The following GRIK4 variants were observed in gnomAD, a reference collection of about 807,000 sequenced individuals.
GRIK4 encodes glutamate receptor ionotropic, kainate 4.
In GRIK4, 40 loss-of-function variants were observed where a neutral mutation model predicts 104.9. The observed-to-expected ratio is 0.38, with a 90% CI of 0.30 to 0.50. The LOEUF is 0.50. GRIK4 is among the 20% of genes least tolerant of loss of function. The pLI is 0.93. For missense variants in GRIK4, 1,047 were observed against 1,308.1 expected, an observed-to-expected ratio of 0.80 and a Z score of 3.08; for synonymous variants, 485 against 524.9, an observed-to-expected ratio of 0.92 and a Z score of 1.04.
intron 6 of GRIK4, 92 bp from the exon 7 acceptor site, chr11:120,831,758 CCA>C: frequency 1.6e-5 from 15 of 923,094 alleles, no homozygotes; most frequent in Admixed American, 6.2e-5. Context: ...GACCCCACTT[CCA>C]GCCCACATCT....
chr11:120,670,950 G>T (rs1950007707), intron 3 of GRIK4, among the ~76,000 whole-genome samples: 1 of 151,978 alleles, frequency 6.6e-6, no homozygotes, highest in South Asian at 2.1e-4. Context: ...GTGAGAACAT[G>T]TGGTGTTTGG....
intron 1 of GRIK4, among the ~76,000 whole-genome samples, chr11:120,559,614 T>C (rs1293300470): frequency 6.6e-6 from 1 of 152,242 alleles, no homozygotes; most frequent in Non-Finnish European, 1.5e-5. Context: ...CATGGTTTGA[T>C]CATTTTTTCA....
chr11:120,630,328 C>A (rs1183614106), intron 1 of GRIK4, among the ~76,000 whole-genome samples: 2 of 152,220 alleles, frequency 1.3e-5, no homozygotes, highest in African/African-American at 4.8e-5. Flanking sequence ...GACTGCCTGA[C>A]CATTTTGTGG....
intron 3 of GRIK4, among the ~76,000 whole-genome samples, chr11:120,732,117 T>C (rs1305691495): frequency 6.6e-6 from 1 of 151,986 alleles, no homozygotes; most frequent in East Asian, 1.9e-4. Context: ...GTTCTTGTTT[T>C]TGTTTTGTTT....
intron 1 of GRIK4, among the ~76,000 whole-genome samples, chr11:120,544,920 T>C (rs1948070478): frequency 1.3e-5 from 2 of 152,192 alleles, no homozygotes; most frequent in Non-Finnish European, 2.9e-5. Flanking sequence ...CTGAGGCTTG[T>C]TGAGCACAGC....
intron 8 of GRIK4, among the ~76,000 whole-genome samples, chr11:120,852,967 C>A (rs2135602513): frequency 6.6e-6 from 1 of 152,324 alleles, no homozygotes; most frequent in Middle Eastern, 3.4e-3. Context: ...CACAGCCTGA[C>A]AAGTGCTGCC....
At chr11:120,687,252 T>C (rs1003654987) in intron 3 of GRIK4, among the ~76,000 whole-genome samples, 1 of 150,650 alleles carries the variant, frequency 6.6e-6, no homozygotes, top group African/African-American at 2.4e-5. Flanking sequence ...ACAGGCAGAG[T>C]CAGGGACCAT....
chr11:120,536,836 T>C (rs1030007050), intron 1 of GRIK4, among the ~76,000 whole-genome samples: 7 of 152,070 alleles, frequency 4.6e-5, no homozygotes, highest in African/African-American at 1.7e-4. Flanking sequence ...TTCTAAAAAG[T>C]CAATTACGTA....
At chr11:120,795,468 G>A (rs1169322022) in intron 3 of GRIK4, among the ~76,000 whole-genome samples, 8 of 152,186 alleles carry the variant, frequency 5.3e-5, no homozygotes, top group African/African-American at 1.4e-4. Context: ...ATTGCCAGGC[G>A]CCACGTCTAC....
Position 120,862,058 on chromosome 11 carries a change from G to T in GRIK4, c.844G>T (p.Ala282Ser). Residue 282 changes from alanine (A) to serine (S), a missense_variant, in exon 9 of 21, where the codon GCC becomes TCC. Ala to Ser is a moderately conservative substitution (Grantham distance 99). This residue lies in a region of GRIK4 where 447 missense variants were observed against 514.9 expected (regional missense o/e 0.87). Transcript: ENST00000527524. ...ATCCCATGCTTTCTTCCAAGAGTTT[G>T]CCCAGAGCCTCAACCAGTCCTGGCA... ...NQSHAFFQEFAQSLNQSWQEN... is the reference protein window; with the variant it reads ...NQSHAFFQEFSQSLNQSWQEN... 6.2e-7 allele frequency: 1 copy of T among 1,614,110 alleles called. No homozygotes were observed. The highest frequency in any genetic ancestry group is 1.7e-5 in the Admixed American group (1 of 60,026).
chr11:120,984,248 G>A (rs1454810230), intron 20 of GRIK4, among the ~76,000 whole-genome samples: 3 of 152,208 alleles, frequency 2.0e-5, no homozygotes, highest in Non-Finnish European at 4.4e-5. Context: ...AGAATTGGAC[G>A]AAAGAACATT....
intron 19 of GRIK4, among the ~76,000 whole-genome samples, chr11:120,976,670 G>T (rs1944565865): frequency 6.6e-6 from 1 of 152,190 alleles, no homozygotes; most frequent in African/African-American, 2.4e-5. Context: ...GCTCATGGAA[G>T]CTCCTCAGTC....
At chr11:120,554,468 C>T (rs1160813971) in intron 1 of GRIK4, among the ~76,000 whole-genome samples, 1 of 152,214 alleles carries the variant, frequency 6.6e-6, no homozygotes, top group South Asian at 2.1e-4. Context: ...TCTCCACACT[C>T]CCCAAACTGG....
At chr11:120,752,489 G>A (rs1180878486) in intron 3 of GRIK4, among the ~76,000 whole-genome samples, 1 of 152,188 alleles carries the variant, frequency 6.6e-6, no homozygotes, top group Non-Finnish European at 1.5e-5. Context: ...ACCCCAGCTT[G>A]GGTGGGAAAT....
chr11:120,673,241 A>G (rs1238336323), intron 3 of GRIK4, among the ~76,000 whole-genome samples: 2 of 152,216 alleles, frequency 1.3e-5, no homozygotes, highest in Non-Finnish European at 2.9e-5. Flanking sequence ...GACTGAGTGC[A>G]TGGTGTATAG....
chr11:120,814,461 G>A (rs57090447), intron 4 of GRIK4, among the ~76,000 whole-genome samples: 10,283 of 152,176 alleles, frequency 0.068, 1,083 homozygotes, highest in African/African-American at 0.23. Context: ...TTAGCCAGGC[G>A]TGGTGGTGGG....
chr11:120,639,954 C>T (rs889722052), intron 1 of GRIK4, among the ~76,000 whole-genome samples: 8 of 152,180 alleles, frequency 5.3e-5, no homozygotes, highest in African/African-American at 1.9e-4. Context: ...AGGGCAGCAC[C>T]CCTCATTGCC....
intron 4 of GRIK4, among the ~76,000 whole-genome samples, chr11:120,810,099 G>A (rs1016049641): frequency 6.6e-6 from 1 of 152,112 alleles, no homozygotes; most frequent in Non-Finnish European, 1.5e-5. Flanking sequence ...CGGTTGTGTG[G>A]TGCATGTACC....
chr11:120,846,635 G>A (rs932075624), intron 8 of GRIK4, among the ~76,000 whole-genome samples: 1 of 152,176 alleles, frequency 6.6e-6, no homozygotes, highest in Non-Finnish European at 1.5e-5. Context: ...TGCTATGCAC[G>A]TTTGCTGGAC....
Sources: gnomAD v4.1 joint callset for allele counts (sites outside exome capture counted in the v4.1 genomes callset) on GRCh38, gnomAD v4.1.1 for gene constraint, gnomAD v4.1.1 regional missense constraint, MANE v1.5 for transcripts, NCBI Gene and HGNC (gene_info 2026-07-23, HGNC 2026-07-21) for gene names.